ENKUR: variants seen among roughly 807,000 people sequenced by gnomAD.
ENKUR encodes enkurin.
ENKUR carries 19 observed loss-of-function variants against 27.6 expected under a neutral mutation model. The ratio of observed to expected loss-of-function variants is 0.69; its 90% CI spans 0.48 to 1.01. ENKUR has a LOEUF of 1.01. ENKUR is among the 50% of genes least tolerant of loss of function. ENKUR has a pLI of 0.00. For missense variants in ENKUR, 312 were observed against 310.5 expected, an observed-to-expected ratio of 1.00 and a Z score of -0.04; for synonymous variants, 117 against 96.9, an observed-to-expected ratio of 1.21 and a Z score of -1.22.
chr10:25,011,916 A>T (rs1440913279), intron 1 of ENKUR, among the ~76,000 whole-genome samples: 1 of 152,242 alleles, frequency 6.6e-6, no homozygotes, highest in Non-Finnish European at 1.5e-5. Context: ...AGCCTGTCAG[A>T]GGTCTCCACA....
chr10:25,049,720 G>A (rs553241253), intron 2 of ENKUR, among the ~76,000 whole-genome samples: 7 of 149,548 alleles, frequency 4.7e-5, no homozygotes, highest in Admixed American at 1.3e-4. Flanking sequence ...CCTGGGAAGC[G>A]GATGTTGCAG....
chr10:25,009,416 AG>A (rs1340416170), intron 1 of ENKUR, among the ~76,000 whole-genome samples: 1 of 152,232 alleles, frequency 6.6e-6, no homozygotes, highest in African/African-American at 2.4e-5. Flanking sequence ...TTAAAAAATA[AG>A]ATTATGTGAT....
chr10:25,016,377 A>G (rs1016569318), upstream of ENKUR, among the ~76,000 whole-genome samples: 2 of 152,198 alleles, frequency 1.3e-5, no homozygotes, highest in African/African-American at 4.8e-5. Flanking sequence ...AAAAAGAAAA[A>G]TCCTAGTAGA....
intron 2 of ENKUR, chr10:25,060,982 G>A (rs533349265): frequency 1.2e-3 from 945 of 772,902 alleles, no homozygotes; most frequent in Non-Finnish European, 1.3e-3. Flanking sequence ...CCAAAGTGTT[G>A]GGACTACAGG....
chr10:25,001,286 TTTC>T (rs1326201119), intron 1 of ENKUR, among the ~76,000 whole-genome samples: 1 of 151,852 alleles, frequency 6.6e-6, no homozygotes, highest in African/African-American at 2.4e-5. Context: ...CTATATAATT[TTTC>T]TTTTTTTTCC....
chr10:25,015,699 G>A (rs1006569234), intron 1 of ENKUR, among the ~76,000 whole-genome samples, 161 bp downstream of exon 1: 3 of 152,140 alleles, frequency 2.0e-5, no homozygotes, highest in Non-Finnish European at 4.4e-5. Context: ...TGAATACCTA[G>A]ATATTTCGAC....
intron 2 of ENKUR, among the ~76,000 whole-genome samples, chr10:25,052,207 T>A (rs1019355920): frequency 1.5e-4 from 23 of 152,240 alleles, no homozygotes; most frequent in Non-Finnish European, 2.5e-4. Flanking sequence ...TTACCTTAGT[T>A]GAGCAATTTG....
At chr10:24,996,873 A>G (rs1419094713) in intron 2 of ENKUR, among the ~76,000 whole-genome samples, 1 of 152,194 alleles carries the variant, frequency 6.6e-6, no homozygotes, top group Admixed American at 6.5e-5. Context: ...ATATAACTGT[A>G]TTTGTAGAAA....
At chr10:25,055,849 G>A (rs1851250379) in intron 2 of ENKUR, among the ~76,000 whole-genome samples, 1 of 152,118 alleles carries the variant, frequency 6.6e-6, no homozygotes, top group Non-Finnish European at 1.5e-5. Flanking sequence ...TTCCATTAGA[G>A]GAATTCAAGC....
At chr10:25,006,640 A>G (rs1440414303) in intron 1 of ENKUR, among the ~76,000 whole-genome samples, 1 of 152,016 alleles carries the variant, frequency 6.6e-6, no homozygotes, top group East Asian at 1.9e-4. Context: ...TAGCCTCATC[A>G]AAAAAAACCT....
chr10:25,039,157 A>G (rs1851036627), intron 2 of ENKUR, among the ~76,000 whole-genome samples: 1 of 152,220 alleles, frequency 6.6e-6, no homozygotes, highest in Admixed American at 6.5e-5. Context: ...AAAGCTTTAA[A>G]CATTTTTTTT....
At chr10:25,005,765 G>A (rs1003826224) in intron 1 of ENKUR, among the ~76,000 whole-genome samples, 1 of 152,304 alleles carries the variant, frequency 6.6e-6, no homozygotes, top group East Asian at 1.9e-4. Flanking sequence ...GTCTGTCATA[G>A]CTCTGATCTG....
chr10:25,042,825 G>A (rs1401784810), intron 2 of ENKUR, among the ~76,000 whole-genome samples: 1 of 150,824 alleles, frequency 6.6e-6, no homozygotes, highest in Non-Finnish European at 1.5e-5. Context: ...ACTCTAGTGT[G>A]GGTGACAGAG....
At position 24,984,783 on chromosome 10, in the gene ENKUR, G is replaced by A. The variant is rs755995761; in HGVS notation, c.717C>T (p.His239=). 39 of 1,613,192 alleles carry A rather than the reference G, an allele frequency of 2.4e-5. No individual in the cohort carries two copies. Among genetic ancestry groups the A allele is most frequent in the Middle Eastern group, 1.6e-4 (1 of 6,082 alleles). Residue 239 remains histidine (H), a synonymous_variant, in exon 5 of 6, where the codon CAC becomes CAT. Transcript: ENST00000331161. ...TGTGCTTTTCAATTATGCCAATGTC[G>A]TGTTCTAGTTGTTTCATTTCTTCTT... ...RLEEEMKQLE[H]DIGIIEKHKI...
chr10:25,048,876 A>C (rs1851151580), intron 2 of ENKUR, among the ~76,000 whole-genome samples: 1 of 151,872 alleles, frequency 6.6e-6, no homozygotes. Context: ...TTTTTCTTGA[A>C]GATAGATACA....
intron 1 of ENKUR, among the ~76,000 whole-genome samples, chr10:25,004,102 G>A (rs760448248): frequency 3.4e-4 from 52 of 152,078 alleles, no homozygotes; most frequent in Non-Finnish European, 6.3e-4. Context: ...CAAAGAATAC[G>A]ATCTCATTCT....
intron 4 of ENKUR, among the ~76,000 whole-genome samples, chr10:24,988,646 T>G (rs1849846270): frequency 1.2e-5 from 1 of 86,308 alleles, no homozygotes; most frequent in Non-Finnish European, 2.2e-5. Context: ...CCTGAAAATG[T>G]AGAGTGACAC....
chr10:25,009,155 A>G (rs1482943667), intron 1 of ENKUR, among the ~76,000 whole-genome samples: 2 of 152,196 alleles, frequency 1.3e-5, no homozygotes, highest in African/African-American at 4.8e-5. Flanking sequence ...TACCTAACGT[A>G]AATGATGAGT....
At position 24,990,311 on chromosome 10, in the gene ENKUR, G is replaced by C. The variant is rs543361608; in HGVS notation, c.594+152C>G. 6 of 929,816 alleles carry C rather than the reference G, an allele frequency of 6.5e-6. No homozygotes were observed. In the South Asian group the frequency reaches 1.1e-4, roughly 17 times the overall value. The allele number at this position is 929,816 out of a possible 1,614,324, so 57.6% of individuals were successfully genotyped here. On this transcript the variant is annotated intron_variant, in intron 4 of 5. Coordinates refer to ENST00000331161, the MANE Select transcript of ENKUR (RefSeq NM_145010.4). ...ACTTTTTGCTCTCTCCAAAGAGTCA[G>C]CTTTGCTGTATGTAGTTTTTAACTG... is the stretch of plus-strand genomic sequence containing the variant.
Sources: gnomAD v4.1 joint callset for allele counts (sites outside exome capture counted in the v4.1 genomes callset) on GRCh38, gnomAD v4.1.1 for gene constraint, MANE v1.5 for transcripts, NCBI Gene and HGNC (gene_info 2026-07-23, HGNC 2026-07-21) for gene names.